The following MCC variants were observed in gnomAD, a reference collection of about 807,000 sequenced individuals.
The protein encoded by MCC is MCC regulator of Wnt signaling pathway.
MCC carries 90 observed loss-of-function variants against 116.2 expected under a neutral mutation model. The ratio of observed to expected loss-of-function variants is 0.77; its 90% CI spans 0.65 to 0.92. MCC has a LOEUF of 0.92. MCC is among the 40% of genes least tolerant of loss of function. MCC has a pLI of 0.00. For synonymous variants in MCC, 578 were observed against 510.5 expected (o/e 1.13, Z -1.78); for missense variants, 1,516 against 1,312.2 (o/e 1.16, Z -2.40).
chr5:113,138,047 T>C (rs986645341), intron 5 of MCC, among the ~76,000 whole-genome samples: 17 of 152,052 alleles, frequency 1.1e-4, no homozygotes, highest in African/African-American at 4.1e-4. Flanking sequence ...TTTTTTTTTT[T>C]TCTCTGTTAC....
intron 1 of MCC, among the ~76,000 whole-genome samples, chr5:113,477,605 C>T (rs537293501): frequency 6.6e-6 from 1 of 152,074 alleles, no homozygotes; most frequent in Non-Finnish European, 1.5e-5. Flanking sequence ...GTGGTCTCAC[C>T]GAGTTGAGGA....
chr5:113,027,481 TGCTA>T lies in MCC; in HGVS notation c.2880-3_2880del. On this transcript the variant is annotated splice_acceptor_variant and splice_polypyrimidine_tract_variant and coding_sequence_variant and intron_variant, in exon 19 of 19. Transcript: ENST00000408903. LOFTEE classifies it high-confidence loss of function. ...GCTTTCTCATAGGCAGCCACCAGGTTGCTAGGTGGGAATGAAGGGAAATTGGTAT... is the reference window on the plus strand; with the variant it reads ...GCTTTCTCATAGGCAGCCACCAGGTTGGTGGGAATGAAGGGAAATTGGTAT... 6.2e-7 allele frequency: 1 copy of T among 1,614,122 alleles called. No homozygotes were observed. The highest frequency in any genetic ancestry group is 2.2e-5 in the East Asian group (1 of 44,872).
chr5:113,180,761 G>C (rs1285555058), intron 3 of MCC, among the ~76,000 whole-genome samples: 1 of 152,054 alleles, frequency 6.6e-6, no homozygotes, highest in Admixed American at 6.6e-5. Context: ...AACATTAATG[G>C]CATGTCTATC....
intron 1 of MCC, among the ~76,000 whole-genome samples, chr5:113,421,236 G>C (rs757126790): frequency 2.4e-4 from 36 of 152,004 alleles, no homozygotes; most frequent in Non-Finnish European, 4.3e-4. Context: ...AGGTTGTTCA[G>C]GCTGGTCCTG....
At chr5:113,049,380 G>A in intron 15 of MCC, 81 bp from the exon 16 acceptor site, 2 of 1,271,790 alleles carry the variant, frequency 1.6e-6, no homozygotes, top group East Asian at 2.6e-5. Context: ...GGTGGGTGGG[G>A]GGTCCCCGGC....
At chr5:113,348,622 TAAAC>T (rs1768189816) in intron 2 of MCC, among the ~76,000 whole-genome samples, 2 of 151,368 alleles carry the variant, frequency 1.3e-5, no homozygotes. Context: ...GAAAAACAAA[TAAAC>T]AACCTAATGG....
chr5:113,260,446 T>C (rs553272515), intron 3 of MCC, among the ~76,000 whole-genome samples: 1 of 152,240 alleles, frequency 6.6e-6, no homozygotes, highest in South Asian at 2.1e-4. Context: ...TAGGTTGAAG[T>C]ACATAAAGAA....
At chr5:113,114,783 C>T (rs866701802) in intron 6 of MCC, among the ~76,000 whole-genome samples, 7 of 152,146 alleles carry the variant, frequency 4.6e-5, no homozygotes, top group South Asian at 2.1e-4. Context: ...ATTACCTTCC[C>T]GTTCCATCCC....
At chr5:113,465,945 T>A (rs1771891131) in intron 1 of MCC, among the ~76,000 whole-genome samples, 1 of 152,040 alleles carries the variant, frequency 6.6e-6, no homozygotes, top group African/African-American at 2.4e-5. Flanking sequence ...ACCCACATTT[T>A]TTTTTTTTTT....
At chr5:113,272,963 G>A (rs1343034861) in intron 3 of MCC, among the ~76,000 whole-genome samples, 1 of 152,088 alleles carries the variant, frequency 6.6e-6, no homozygotes, top group East Asian at 1.9e-4. Context: ...TGTTTCTTGG[G>A]GCTGCCAGCA....
At chr5:113,154,459 G>A (rs564085771) in intron 3 of MCC, among the ~76,000 whole-genome samples, 9 of 152,322 alleles carry the variant, frequency 5.9e-5, no homozygotes, top group African/African-American at 1.2e-4. Context: ...CCTCCTGGAC[G>A]GAGTAGGTGA....
intron 11 of MCC, among the ~76,000 whole-genome samples, chr5:113,075,641 A>G (rs907990274): frequency 6.6e-6 from 1 of 152,130 alleles, no homozygotes; most frequent in Admixed American, 6.5e-5. Flanking sequence ...TCTCTGTAAA[A>G]CAGACCAATC....
intron 3 of MCC, among the ~76,000 whole-genome samples, chr5:113,310,155 C>T (rs949962478): frequency 1.3e-5 from 2 of 152,238 alleles, no homozygotes; most frequent in Non-Finnish European, 2.9e-5. Flanking sequence ...CATATTGAAA[C>T]TTAATCCCCA....
intron 1 of MCC, among the ~76,000 whole-genome samples, chr5:113,450,163 T>C (rs1771347551): frequency 6.6e-6 from 1 of 152,178 alleles, no homozygotes; most frequent in African/African-American, 2.4e-5. Context: ...GACTCTCTCC[T>C]GGAGTTAGGG....
intron 3 of MCC, among the ~76,000 whole-genome samples, chr5:113,259,037 G>C (rs1397376436): frequency 6.7e-6 from 1 of 150,052 alleles, no homozygotes. Flanking sequence ...GTAGATGTGT[G>C]TAAAAATGTT....
chr5:113,280,793 C>T (rs1766016223), intron 3 of MCC, among the ~76,000 whole-genome samples: 1 of 151,586 alleles, frequency 6.6e-6, no homozygotes, highest in Admixed American at 6.6e-5. Context: ...TTCAGACCAA[C>T]CTAGGTTGGA....
intron 3 of MCC, among the ~76,000 whole-genome samples, chr5:113,265,669 G>C (rs1765392150): frequency 1.3e-5 from 2 of 152,128 alleles, no homozygotes; most frequent in African/African-American, 4.8e-5. Context: ...GCTACACAGA[G>C]GAACTTGAGC....
intron 5 of MCC, among the ~76,000 whole-genome samples, chr5:113,132,112 T>C (rs1463614755): frequency 5.9e-4 from 90 of 151,914 alleles, no homozygotes; most frequent in Non-Finnish European, 1.5e-5. Flanking sequence ...TAATTTTTTA[T>C]TTTCTAATTT....
chr5:113,125,414 C>T (rs1164748109), intron 5 of MCC, among the ~76,000 whole-genome samples: 1 of 152,054 alleles, frequency 6.6e-6, no homozygotes, highest in Non-Finnish European at 1.5e-5. Flanking sequence ...AGATTTTGTG[C>T]CACAAAGAGT....
Sources: allele counts gnomAD v4.1 joint callset (sites outside exome capture counted in the v4.1 genomes callset), GRCh38; gene constraint gnomAD v4.1.1; transcripts MANE v1.5; gene names NCBI Gene and HGNC (gene_info 2026-07-23, HGNC 2026-07-21).